ANKRD26: variants seen among roughly 807,000 people sequenced by gnomAD.
ANKRD26 encodes ankyrin repeat domain-containing protein 26.
A neutral mutation model predicts 208.7 loss-of-function variants in ANKRD26; 141 were observed. The ratio of observed to expected loss-of-function variants is 0.68; its 90% CI spans 0.59 to 0.78. The LOEUF (loss-of-function observed/expected upper bound fraction) is 0.78, where lower values mean the gene tolerates loss of function less well. ANKRD26 is among the 30% of genes least tolerant of loss of function. The pLI is 0.00. For synonymous variants in ANKRD26, 636 were observed against 660.4 expected, an observed-to-expected ratio of 0.96 and a Z score of 0.57; for missense variants, 1,889 against 1,938.7, an observed-to-expected ratio of 0.97 and a Z score of 0.48.
At chr10:27,087,748 T>A (rs2056169678) in intron 4 of ANKRD26, among the ~76,000 whole-genome samples, 1 of 152,172 alleles carries the variant, frequency 6.6e-6, no homozygotes, top group South Asian at 2.1e-4. Flanking sequence ...CGGTGCTTAA[T>A]CTTCATGTTC....
At chr10:26,976,397 T>C (rs2134605376) in intron 5 of ANKRD26, among the ~76,000 whole-genome samples, 1 of 152,168 alleles carries the variant, frequency 6.6e-6, no homozygotes, top group East Asian at 1.9e-4. Context: ...GTATTTTTAG[T>C]AGAGATGGGG....
downstream of ANKRD26, among the ~76,000 whole-genome samples, chr10:26,972,103 C>G (rs532174026): frequency 1.3e-4 from 20 of 151,912 alleles, no homozygotes; most frequent in Admixed American, 8.5e-4. Flanking sequence ...GGCGTGGTGG[C>G]GGGCGCCTGT....
Position 27,005,365 on chromosome 10 carries a change from A to G in ANKRD26, c.*225T>C, listed in dbSNP as rs2052835606. The G allele has an allele frequency of 2.4e-6, 3 of 1,257,834 alleles. No homozygotes were observed. Among genetic ancestry groups the G allele is most frequent in the Non-Finnish European group, 3.0e-6 (3 of 996,434 alleles). 77.9% of individuals were successfully genotyped at this position (1,257,834 alleles called of 1,614,324 possible). On this transcript the variant is annotated 3_prime_UTR_variant, in exon 34 of 34. Transcript: ENST00000376087. ...TGGTTTGGCTGTTTAAACAGCTCAC[A>G]TTTGGGCAGTTTGAGTATGTAAAAC...
the ANKRD26 span, among the ~76,000 whole-genome samples, chr10:26,953,875 G>A: frequency 6.6e-6 from 1 of 152,128 alleles, no homozygotes; most frequent in Non-Finnish European, 1.5e-5. Flanking sequence ...CTATCTTGCT[G>A]GGACGTGCAT....
At chr10:27,091,710 G>A (rs967737046) in intron 4 of ANKRD26, among the ~76,000 whole-genome samples, 7 of 152,130 alleles carry the variant, frequency 4.6e-5, no homozygotes, top group South Asian at 2.1e-4. Flanking sequence ...AAAAGTGGCC[G>A]GGCGCAGTGG....
downstream of ANKRD26, among the ~76,000 whole-genome samples, chr10:26,970,535 C>T (rs991866052): frequency 2.6e-5 from 4 of 152,128 alleles, no homozygotes; most frequent in South Asian, 2.1e-4. Flanking sequence ...TTGGAAGCTT[C>T]GTGAGGTCCC....
chr10:27,031,906 T>A (rs1433808418), intron 25 of ANKRD26, among the ~76,000 whole-genome samples: 3 of 152,170 alleles, frequency 2.0e-5, no homozygotes, highest in Non-Finnish European at 4.4e-5. Context: ...GGAGAAAAGT[T>A]AATGGCCTTT....
At position 27,028,839 on chromosome 10, in the gene ANKRD26, G is replaced by GTGGC. The variant is rs760842664; in HGVS notation, c.3972+9_3972+12dup. 1 of 1,604,784 alleles carries GTGGC rather than the reference G, an allele frequency of 6.2e-7. No homozygotes were observed. Among genetic ancestry groups the GTGGC allele is most frequent in the South Asian group, 1.1e-5 (1 of 90,736 alleles). On this transcript the variant is annotated intron_variant, in intron 27 of 33. Transcript: ENST00000376087. ...TCCTTTTCAGTACGACAGAAATTAAGTGGCTGACTTACCAAATTTGCATTT... is the reference window on the plus strand; with the variant it reads ...TCCTTTTCAGTACGACAGAAATTAAGTGGCTGGCTGACTTACCAAATTTGCATTT...
chr10:27,031,295 G>C (rs566723858), intron 25 of ANKRD26, among the ~76,000 whole-genome samples: 1 of 152,244 alleles, frequency 6.6e-6, no homozygotes, highest in Non-Finnish European at 1.5e-5. Flanking sequence ...ACAATCTAGA[G>C]GCCCATCCGC....
intron 9 of ANKRD26, among the ~76,000 whole-genome samples, chr10:27,068,441 T>C (rs1484573113): frequency 4.6e-5 from 7 of 152,166 alleles, no homozygotes; most frequent in South Asian, 2.1e-4. Context: ...TATTTCTTTT[T>C]AGCAATGTGA....
chr10:27,094,910 G>T (rs2056416975), intron 1 of ANKRD26, among the ~76,000 whole-genome samples: 1 of 151,502 alleles, frequency 6.6e-6, no homozygotes, highest in Admixed American at 6.6e-5. Context: ...TAAGGCCAAA[G>T]AATCGCTTGA....
At chr10:26,961,134 T>C in the ANKRD26 span, among the ~76,000 whole-genome samples, 26 of 151,766 alleles carry the variant, frequency 1.7e-4, no homozygotes, top group African/African-American at 4.1e-4. Context: ...GGAGAATCGC[T>C]TGAACCTGGG....
At chr10:26,997,675 T>TA (rs1386701610) in intron 4 of ANKRD26, among the ~76,000 whole-genome samples, 1 of 152,200 alleles carries the variant, frequency 6.6e-6, no homozygotes, top group Non-Finnish European at 1.5e-5. Flanking sequence ...GTCCAGGGTC[T>TA]AAAATCCCTC....
At chr10:27,098,299 A>T (rs12259472) in intron 1 of ANKRD26, among the ~76,000 whole-genome samples, 3,132 of 151,280 alleles carry the variant, frequency 0.021, 152 homozygotes, top group East Asian at 0.16. Context: ...CATGAGCCAC[A>T]GGTGCCCAGC....
At chr10:27,099,012 CAG>C (rs1279365431) in intron 1 of ANKRD26, among the ~76,000 whole-genome samples, 1 of 151,690 alleles carries the variant, frequency 6.6e-6, no homozygotes, top group Non-Finnish European at 1.5e-5. Context: ...TTTTTTGAGA[CAG>C]AGTTTTGCTC....
At chr10:27,084,872 CAA>C (rs375120568) in intron 5 of ANKRD26, among the ~76,000 whole-genome samples, 93 of 99,294 alleles carry the variant, frequency 9.4e-4, no homozygotes, top group Non-Finnish European at 1.5e-3. Context: ...AACTCCATTT[CAA>C]AAAAAAAAAA....
intron 30 of ANKRD26, among the ~76,000 whole-genome samples, chr10:27,015,022 T>C (rs762913504): frequency 1.3e-5 from 2 of 152,128 alleles, no homozygotes; most frequent in Non-Finnish European, 2.9e-5. Context: ...AAATGTCATA[T>C]AGAAAATAAA....
the ANKRD26 span, among the ~76,000 whole-genome samples, chr10:26,948,960 A>G: frequency 6.6e-6 from 1 of 151,900 alleles, no homozygotes; most frequent in Non-Finnish European, 1.5e-5. Flanking sequence ...TCACCATTGC[A>G]CTCCAGCCTG....
At chr10:27,033,174 T>C (rs562916187) in intron 25 of ANKRD26, 51 bp downstream of exon 25, 3 of 1,459,172 alleles carry the variant, frequency 2.1e-6, no homozygotes, top group East Asian at 2.4e-5. Flanking sequence ...AAACACTATA[T>C]ATTTAACCAG....
Sources: gnomAD v4.1 joint callset for allele counts (sites outside exome capture counted in the v4.1 genomes callset) on GRCh38, gnomAD v4.1.1 for gene constraint, MANE v1.5 for transcripts, NCBI Gene and HGNC (gene_info 2026-07-23, HGNC 2026-07-21) for gene names.